SYMPK: variants seen among roughly 807,000 people sequenced by gnomAD.
SYMPK encodes the protein symplekin.
In SYMPK, 49 loss-of-function variants were observed where a neutral mutation model predicts 136.4. The ratio of observed to expected loss-of-function variants is 0.36; its 90% CI spans 0.29 to 0.46. The LOEUF (loss-of-function observed/expected upper bound fraction) is 0.46, where lower values mean the gene tolerates loss of function less well. Ranked by LOEUF, SYMPK falls within the 20% of genes least tolerant of loss-of-function variation. The pLI, the probability that SYMPK is intolerant of heterozygous loss-of-function variation, is 1.00. For synonymous variants in SYMPK, 766 were observed against 713.0 expected (o/e 1.07, Z -1.19); for missense variants, 1,365 against 1,690.0 (o/e 0.81, Z 3.37).
intron 5 of SYMPK, 130 bp downstream of exon 5, chr19:45,852,182 T>C (rs1384317489): frequency 3.4e-6 from 3 of 895,058 alleles, no homozygotes; most frequent in East Asian, 2.4e-5. Context: ...GGGGAATCAG[T>C]GTGTATGAGA....
At chr19:45,830,020 T>C (rs1017540450) in intron 13 of SYMPK, 34 bp downstream of exon 13, 2 of 1,528,644 alleles carry the variant, frequency 1.3e-6, no homozygotes, top group Non-Finnish European at 8.8e-7. Flanking sequence ...GTAGAGGGAC[T>C]GGAAGGATGG....
At chr19:45,834,102 A>G (rs989245300) in intron 11 of SYMPK, among the ~76,000 whole-genome samples, 1 of 152,194 alleles carries the variant, frequency 6.6e-6, no homozygotes, top group African/African-American at 2.4e-5. Context: ...CCTGGCTAAG[A>G]CGGTGAAACC....
chr19:45,852,577 A>C (rs754870224), intron 3 of SYMPK, 42 bp from the exon 4 acceptor site: 1 of 1,611,422 alleles, frequency 6.2e-7, no homozygotes, highest in East Asian at 2.2e-5. Context: ...TACCCATATA[A>C]AACGAGGGGC....
Position 45,847,772 on chromosome 19 carries a change from T to A in SYMPK, c.656A>T (p.Asp219Val). The A allele has an allele frequency of 1.9e-6, 3 of 1,613,686 alleles. No homozygotes were observed. Among genetic ancestry groups the A allele is most frequent in the Non-Finnish European group, 1.7e-6 (2 of 1,179,924 alleles). Residue 219 changes from aspartate to valine, a missense_variant, in exon 7 of 27, where the codon GAC becomes GTC. Transcript: ENST00000245934. ...HDISLDRIPR[D>V]HPYIQYNVLW... ...CTCACTGTACTGGATGTAGGGGTGGTCACGAGGGATGCGGTCCAGGCTGAT... is the reference window on the plus strand; with the variant it reads ...CTCACTGTACTGGATGTAGGGGTGGACACGAGGGATGCGGTCCAGGCTGAT...
chr19:45,838,455 C>T lies in SYMPK; in HGVS notation c.1242+6G>A. The T allele has an allele frequency of 6.2e-7, 1 of 1,612,210 alleles. No homozygotes were observed. The highest frequency in any genetic ancestry group is 1.3e-5 in the African/African-American group (1 of 75,004). On this transcript the variant is annotated splice_donor_region_variant and intron_variant, in intron 10 of 26. Transcript: ENST00000245934. ...CAGGGGGAAAACGCTCCCCACCCATCCTCACCAGATTAGCCACATTATCAG... is the reference window on the plus strand; with the variant it reads ...CAGGGGGAAAACGCTCCCCACCCATTCTCACCAGATTAGCCACATTATCAG...
chr19:45,855,985 GA>G lies in SYMPK; in HGVS notation c.-12-1479del, dbSNP rs555135230. 3.3e-3 allele frequency among the ~76,000 whole-genome samples: 502 copies of G among 151,816 alleles called. 1 individual carries two copies. Among genetic ancestry groups the G allele is most frequent in the African/African-American group, 0.012 (481 of 41,410 alleles). ...AACTTGACTCAAAAAAAAGAAAGGG[GA>G]AAAAATATATATGTTAAAAAAGGAA... On this transcript the variant is annotated intron_variant, in intron 1 of 26. Transcript: ENST00000245934.
chr19:45,859,771 G>A (rs1056424191), intron 1 of SYMPK, among the ~76,000 whole-genome samples: 6 of 151,802 alleles, frequency 4.0e-5, no homozygotes, highest in Non-Finnish European at 8.8e-5. Flanking sequence ...GCCAGGTGCA[G>A]GGGTTCATGC....
intron 1 of SYMPK, among the ~76,000 whole-genome samples, chr19:45,861,282 T>C (rs1234763342): frequency 1.3e-5 from 2 of 152,188 alleles, no homozygotes; most frequent in African/African-American, 4.8e-5. Flanking sequence ...TTACCCTGTT[T>C]CATTCTTCTT....
Position 45,830,107 on chromosome 19 carries a change from CA to C in SYMPK, c.1695del (p.Val566Ter). The C allele has an allele frequency of 6.3e-7, 1 of 1,582,594 alleles. No homozygotes were observed. Among genetic ancestry groups the C allele is most frequent in the Non-Finnish European group, 8.6e-7 (1 of 1,162,648 alleles). ...TTCTCAGCCCGCAGGATCCGCTTCA[CA>C]GCGCCCAGCTTCATGGCTTCCACCT... ...DAQVEAMKLGAVKRILRAEKA... is the reference protein window; with the variant it reads ...DAQVEAMKLGXVKRILRAEKA... On this transcript the variant is annotated frameshift_variant, in exon 13 of 27. Coordinates refer to ENST00000245934, the MANE Select transcript of SYMPK (RefSeq NM_004819.3). LOFTEE classifies it high-confidence loss of function.
chr19:45,838,293 C>A (rs1200616450), intron 10 of SYMPK, among the ~76,000 whole-genome samples, 168 bp downstream of exon 10: 1 of 152,048 alleles, frequency 6.6e-6, no homozygotes, highest in Non-Finnish European at 1.5e-5. Flanking sequence ...GATGCCAGCA[C>A]CACGCTTCCT....
At chr19:45,827,378 C>A (rs56006974) in intron 16 of SYMPK, 132 bp downstream of exon 16, 59,870 of 655,614 alleles carry the variant, frequency 0.091, 3,140 homozygotes, top group East Asian at 0.1. Context: ...AGCCAAAAAA[C>A]CACTGAAAGA....
At chr19:45,817,699 G>A (rs1053271818) in intron 23 of SYMPK, among the ~76,000 whole-genome samples, 3 of 152,190 alleles carry the variant, frequency 2.0e-5, no homozygotes, top group Non-Finnish European at 4.4e-5. Context: ...GCGGTGGAGG[G>A]TGAGGAGCAG....
intron 21 of SYMPK, among the ~76,000 whole-genome samples, chr19:45,822,153 C>G (rs1408906126): frequency 1.0e-5 from 1 of 96,886 alleles, no homozygotes; most frequent in African/African-American, 4.7e-5. Context: ...GAGTCTCACT[C>G]TGTCATCCAG....
chr19:45,834,856 G>A (rs762263965), intron 11 of SYMPK, among the ~76,000 whole-genome samples: 2 of 152,198 alleles, frequency 1.3e-5, no homozygotes, highest in African/African-American at 2.4e-5. Context: ...ATATTAAGTG[G>A]ATGAGATCTG....
intron 10 of SYMPK, among the ~76,000 whole-genome samples, chr19:45,836,677 T>C (rs1047362211): frequency 6.6e-6 from 1 of 151,692 alleles, no homozygotes; most frequent in African/African-American, 2.4e-5. Context: ...CTTACTCTAT[T>C]GTCCAGGCTG....
In SYMPK at chr19:45,822,763, G is replaced by A; in HGVS notation, c.2784C>T (p.Thr928=). The A allele has an allele frequency of 1.2e-6, 2 of 1,613,996 alleles. No homozygotes were observed. Among genetic ancestry groups the A allele is most frequent in the Non-Finnish European group, 1.7e-6 (2 of 1,179,946 alleles). Residue 928 remains threonine (T), a synonymous_variant, in exon 21 of 27, where the codon ACC becomes ACT. Coordinates refer to ENST00000245934, the MANE Select transcript of SYMPK (RefSeq NM_004819.3). The part of the protein sequence containing the change: ...VKEVFNRLLG[T]QHGEGNSALS... ...TGAGGCTGCATCACCTACCATGCTGGGTGCCCAGCAGGCGGTTGAAGACTT... is the reference window on the plus strand; with the variant it reads ...TGAGGCTGCATCACCTACCATGCTGAGTGCCCAGCAGGCGGTTGAAGACTT...
chr19:45,844,777 G>A (rs1971521966), intron 7 of SYMPK, among the ~76,000 whole-genome samples: 1 of 152,146 alleles, frequency 6.6e-6, no homozygotes. Context: ...AGTCCCTTGT[G>A]ACACCACTCC....
At chr19:45,830,371 AGAG>A (rs973046989) in intron 12 of SYMPK, 167 bp from the exon 13 acceptor site, 14 of 759,646 alleles carry the variant, frequency 1.8e-5, no homozygotes, top group South Asian at 5.7e-5. Context: ...GCGGTGGGTA[AGAG>A]GAAGGAAGAG....
At position 45,842,386 on chromosome 19, in the gene SYMPK, G is replaced by A. The variant is rs1379316422; in HGVS notation, c.951C>T (p.Phe317=). 2 of 1,614,240 alleles carry A rather than the reference G, an allele frequency of 1.2e-6. No individual in the cohort carries two copies. The highest frequency in any genetic ancestry group is 1.7e-5 in the Admixed American group (1 of 60,022). The change falls in exon 9 of 27, where the codon TTC becomes TTT. Residue 317 remains phenylalanine (F), a synonymous_variant. Coordinates refer to ENST00000245934, the MANE Select transcript of SYMPK (RefSeq NM_004819.3). The stretch of plus-strand genomic sequence containing the variant: ...CCAGCAGGGTGGTGATCTGGGCCTG[G>A]AACTCCAAGGAAGCCGGGTGCTTCA... ...SVLKHPASLE[F]QAQITTLLVD... is the part of the protein sequence containing the mutation.
Sources: allele counts gnomAD v4.1 joint callset (sites outside exome capture counted in the v4.1 genomes callset), GRCh38; gene constraint gnomAD v4.1.1; transcripts MANE v1.5; gene names NCBI Gene and HGNC (gene_info 2026-07-23, HGNC 2026-07-21).